The following TBC1D9 variants were observed in gnomAD, a reference collection of about 807,000 sequenced individuals.
The protein encoded by TBC1D9 is TBC1 domain family member 9.
Under a neutral mutation model 132.0 loss-of-function variants are expected in TBC1D9, and 63 were observed. The observed-to-expected ratio is 0.48, with a 90% CI of 0.39 to 0.59. The LOEUF is 0.59. TBC1D9 is among the 20% of genes least tolerant of loss of function. The pLI, the probability that TBC1D9 is intolerant of heterozygous loss-of-function variation, is 0.00. For synonymous variants in TBC1D9, 610 were observed against 609.9 expected (o/e 1.00, Z 0.00); for missense variants, 1,261 against 1,592.7 (o/e 0.79, Z 3.54).
intron 13 of TBC1D9, among the ~76,000 whole-genome samples, chr4:140,649,994 T>G (rs1364700960): frequency 6.6e-6 from 1 of 152,258 alleles, no homozygotes; most frequent in Non-Finnish European, 1.5e-5. Context: ...TATGCTTCTT[T>G]AGGTGCCATG....
Position 140,659,581 on chromosome 4 carries a change from C to T in TBC1D9, c.1921+7G>A. 6.4e-7 allele frequency: 1 copy of T among 1,568,416 alleles called. No individual in the cohort carries two copies. Among genetic ancestry groups the T allele is most frequent in the Non-Finnish European group, 8.7e-7 (1 of 1,152,834 alleles). On this transcript the variant is annotated splice_region_variant and intron_variant, in intron 11 of 20. Transcript: ENST00000442267. ...TAGGTTGAAATGTTAAATGCATCTC[C>T]ACTTACCCACAACTCTGGTGTTGTA...
At chr4:140,669,955 A>C (rs977248774) in intron 7 of TBC1D9, among the ~76,000 whole-genome samples, 151 bp from the exon 8 acceptor site, 1 of 152,234 alleles carries the variant, frequency 6.6e-6, no homozygotes. Flanking sequence ...GCAGCAAGCC[A>C]TCATTTTGGC....
At chr4:140,674,254 TG>T (rs917099871) in intron 6 of TBC1D9, among the ~76,000 whole-genome samples, 3 of 152,218 alleles carry the variant, frequency 2.0e-5, no homozygotes, top group African/African-American at 4.8e-5. Flanking sequence ...ACATTATTCC[TG>T]TCAGAATTTA....
At chr4:140,699,690 C>CT (rs1284811035) in intron 2 of TBC1D9, among the ~76,000 whole-genome samples, 2 of 152,094 alleles carry the variant, frequency 1.3e-5, no homozygotes, top group African/African-American at 4.8e-5. Flanking sequence ...ATATGACCGA[C>CT]TAACTATAAT....
intron 13 of TBC1D9, chr4:140,643,955 C>G (rs998223788): frequency 1.6e-6 from 1 of 620,578 alleles, no homozygotes; most frequent in Non-Finnish European, 3.0e-6. Flanking sequence ...CCTCCACCTT[C>G]GCCTCCTGTT....
At chr4:140,624,275 C>A (rs776242394) in intron 19 of TBC1D9, 39 bp downstream of exon 19, 1 of 1,611,710 alleles carries the variant, frequency 6.2e-7, no homozygotes, top group Non-Finnish European at 8.5e-7. Context: ...AAGTGTACAA[C>A]CAGCAAGAAG....
In TBC1D9 at chr4:140,755,200, A is replaced by G. The variant is rs187125926; in HGVS notation, c.130+716T>C. 4.6e-5 allele frequency among the ~76,000 whole-genome samples: 7 copies of G among 152,322 alleles called. No homozygotes were observed. In the East Asian group the frequency reaches 1.3e-3, roughly 29 times the overall value. Reference sequence around the variant, plus strand: ...TTTCTAATATGGCACTACTTTGGATATGGGTCTGACTGATCTTATTATCCT... The same window carrying G: ...TTTCTAATATGGCACTACTTTGGATGTGGGTCTGACTGATCTTATTATCCT... On this transcript the variant is annotated intron_variant, in intron 1 of 20. Coordinates refer to ENST00000442267, the MANE Select transcript of TBC1D9 (RefSeq NM_015130.3).
chr4:140,751,167 G>A lies in TBC1D9; in HGVS notation c.130+4749C>T, dbSNP rs540256516. On this transcript the variant is annotated intron_variant, in intron 1 of 20. Coordinates refer to ENST00000442267, the MANE Select transcript of TBC1D9 (RefSeq NM_015130.3). ...ACAATTACCTATGTAACAAACCTGT[G>A]CATGTAACCCATGAATCTAAAAGAA... 1.6e-4 allele frequency among the ~76,000 whole-genome samples: 25 copies of A among 152,206 alleles called. No individual in the cohort carries two copies. In the East Asian group the frequency reaches 4.8e-3, roughly 29 times the overall value.
chr4:140,753,538 C>T (rs1331521394), intron 1 of TBC1D9, among the ~76,000 whole-genome samples: 6 of 152,324 alleles, frequency 3.9e-5, no homozygotes, highest in Non-Finnish European at 5.9e-5. Flanking sequence ...TCTCTCCAGG[C>T]TCAAGTTCCT....
At chr4:140,670,477 C>G (rs1479494383) in intron 7 of TBC1D9, 10 of 494,368 alleles carry the variant, frequency 2.0e-5, no homozygotes, top group Non-Finnish European at 2.9e-5. Context: ...GTAACTAGAA[C>G]AGATTACTTA....
At chr4:140,738,143 C>T (rs922235921) in intron 1 of TBC1D9, among the ~76,000 whole-genome samples, 8 of 152,106 alleles carry the variant, frequency 5.3e-5, no homozygotes, top group Admixed American at 4.6e-4. Flanking sequence ...GTATGTCAAA[C>T]TTGCATTTCT....
intron 13 of TBC1D9, chr4:140,643,194 C>CG: frequency 7.1e-7 from 1 of 1,417,926 alleles, no homozygotes; most frequent in Non-Finnish European, 9.7e-7. Context: ...CAGTGAGGGC[C>CG]GAGCCACCAG....
At chr4:140,628,220 G>T in intron 17 of TBC1D9, 80 bp downstream of exon 17, 2 of 1,217,544 alleles carry the variant, frequency 1.6e-6, no homozygotes, top group Non-Finnish European at 1.2e-6. Flanking sequence ...AAAAGAGGAC[G>T]ATCAGGTTAC....
intron 1 of TBC1D9, among the ~76,000 whole-genome samples, chr4:140,747,942 T>C (rs140264222): frequency 6.6e-6 from 1 of 152,022 alleles, no homozygotes; most frequent in African/African-American, 2.4e-5. Flanking sequence ...GCAGAAAAAA[T>C]TTTTCTCATA....
chr4:140,628,175 A>T, intron 17 of TBC1D9, 125 bp downstream of exon 17: 1 of 730,030 alleles, frequency 1.4e-6, no homozygotes, highest in South Asian at 1.7e-5. Flanking sequence ...TTGTTCAGTT[A>T]GTTCTTAGTG....
chr4:140,672,054 CCTA>C (rs1737546541), intron 6 of TBC1D9, among the ~76,000 whole-genome samples: 1 of 151,944 alleles, frequency 6.6e-6, no homozygotes, highest in Non-Finnish European at 1.5e-5. Flanking sequence ...GACTAAGTAA[CCTA>C]TTGAAGTTGT....
chr4:140,643,474 T>C, intron 13 of TBC1D9: 1 of 894,858 alleles, frequency 1.1e-6, no homozygotes, highest in Non-Finnish European at 1.8e-6. Context: ...TAGCAGGTGC[T>C]GCCGGGCACA....
intron 1 of TBC1D9, among the ~76,000 whole-genome samples, chr4:140,744,040 A>G (rs889097670): frequency 6.6e-6 from 1 of 152,200 alleles, no homozygotes; most frequent in East Asian, 1.9e-4. Context: ...TTTGTAGAAT[A>G]AATCAGTCTC....
intron 1 of TBC1D9, 58 bp downstream of exon 1, chr4:140,755,858 C>A: frequency 6.8e-7 from 1 of 1,475,242 alleles, no homozygotes; most frequent in Non-Finnish European, 8.9e-7. Flanking sequence ...GCCCAGGCCG[C>A]GGGCGGCGCC....
Sources: allele counts gnomAD v4.1 joint callset (sites outside exome capture counted in the v4.1 genomes callset), GRCh38; gene constraint gnomAD v4.1.1; transcripts MANE v1.5; gene names NCBI Gene and HGNC (gene_info 2026-07-23, HGNC 2026-07-21).